The following FHIP2A variants were observed in gnomAD, a reference collection of about 807,000 sequenced individuals.
FHIP2A encodes the protein FHF complex subunit HOOK interacting protein 2A.
Under a neutral mutation model 93.5 loss-of-function variants are expected in FHIP2A, and 46 were observed. The observed-to-expected ratio is 0.49, with a 90% confidence interval of 0.39 to 0.63. FHIP2A has a LOEUF of 0.63. Ranked by LOEUF, FHIP2A falls within the 20% of genes least tolerant of loss-of-function variation. The pLI is 0.00. For synonymous variants in FHIP2A, 332 were observed against 326.5 expected, an observed-to-expected ratio of 1.02 and a Z score of -0.18; for missense variants, 769 against 909.7, an observed-to-expected ratio of 0.85 and a Z score of 1.99.
chr10:114,885,368 C>A (rs1333121341), intron 16 of FHIP2A, among the ~76,000 whole-genome samples: 3 of 150,560 alleles, frequency 2.0e-5, no homozygotes, highest in African/African-American at 7.4e-5. Flanking sequence ...GCACTCCAGC[C>A]TGCACAACAA....
chr10:114,879,763 T>C (rs2083907644), intron 16 of FHIP2A, among the ~76,000 whole-genome samples: 1 of 152,100 alleles, frequency 6.6e-6, no homozygotes, highest in South Asian at 2.1e-4. Context: ...CCCCTGCTGA[T>C]TGCCTGGCGT....
intron 1 of FHIP2A, among the ~76,000 whole-genome samples, chr10:114,823,604 C>T (rs1229431794): frequency 6.6e-6 from 1 of 151,856 alleles, no homozygotes; most frequent in African/African-American, 2.4e-5. Context: ...AAGCGATTCT[C>T]CTGCCTCAGC....
intron 5 of FHIP2A, among the ~76,000 whole-genome samples, chr10:114,839,014 TTC>T (rs1386563666): frequency 2.0e-5 from 3 of 152,204 alleles, no homozygotes; most frequent in African/African-American, 7.2e-5. Flanking sequence ...AGGACAAGGA[TTC>T]TGTCTCATTA....
At position 114,873,899 on chromosome 10, in the gene FHIP2A, A is replaced by G. The variant is rs543792076; in HGVS notation, c.2192+12565A>G. Among the ~76,000 whole-genome samples the G allele has an allele frequency of 3.9e-5, 6 of 152,206 alleles. No homozygotes were observed. The South Asian group carries it at 1.2e-3, about 32-fold the overall frequency. On this transcript the variant is annotated intron_variant, in intron 16 of 16. Coordinates refer to the FHIP2A transcript ENST00000369250. ...TCCTAGGATCAGCCATTTCTCCAAG[A>G]TACATCAGAGTCTTTTAAAACACTG... is the stretch of plus-strand genomic sequence containing the variant.
At chr10:114,832,792 G>T (rs547895974) in intron 2 of FHIP2A, among the ~76,000 whole-genome samples, 2 of 149,628 alleles carry the variant, frequency 1.3e-5, no homozygotes, top group Admixed American at 1.3e-4. Context: ...GCTCACTGCA[G>T]CCTCCACCTC....
intron 12 of FHIP2A, among the ~76,000 whole-genome samples, chr10:114,848,076 A>G (rs1286917973): frequency 6.6e-6 from 1 of 152,168 alleles, no homozygotes; most frequent in African/African-American, 2.4e-5. Flanking sequence ...GTGTTGGGCT[A>G]TTCCTTTTTG....
intron 1 of FHIP2A, among the ~76,000 whole-genome samples, chr10:114,825,275 C>T (rs546361547): frequency 4.6e-5 from 7 of 152,160 alleles, no homozygotes; most frequent in Non-Finnish European, 8.8e-5. Context: ...AGCCTCCCAC[C>T]TCCATCTCCT....
intron 16 of FHIP2A, among the ~76,000 whole-genome samples, chr10:114,880,417 T>C (rs11196959): frequency 0.41 from 62,331 of 152,122 alleles, 12,919 homozygotes; most frequent in South Asian, 0.46. Flanking sequence ...CAGGGGCTCA[T>C]GCCTGTAATC....
intron 16 of FHIP2A, among the ~76,000 whole-genome samples, chr10:114,892,889 C>A (rs1276265928): frequency 6.6e-6 from 1 of 152,082 alleles, no homozygotes; most frequent in African/African-American, 2.4e-5. Context: ...CAGAATTTTT[C>A]ATTTGTGTTT....
chr10:114,859,573 A>G (rs556300626), intron 14 of FHIP2A, among the ~76,000 whole-genome samples: 3 of 152,216 alleles, frequency 2.0e-5, no homozygotes, highest in African/African-American at 7.2e-5. Flanking sequence ...GTTGCAACCA[A>G]TCCGTTTCCT....
chr10:114,859,351 C>T (rs879117006), intron 14 of FHIP2A, among the ~76,000 whole-genome samples: 1 of 152,212 alleles, frequency 6.6e-6, no homozygotes, highest in Admixed American at 6.5e-5. Flanking sequence ...TGTGCCCGAG[C>T]ATTCTCCACT....
At chr10:114,875,859 AAGAAAGAAAG>A (rs1269511039) in intron 16 of FHIP2A, among the ~76,000 whole-genome samples, 6 of 143,306 alleles carry the variant, frequency 4.2e-5, no homozygotes, top group East Asian at 3.9e-4. Flanking sequence ...AAGAAAAAGA[AAGAAAGAAAG>A]AGAAAGAAAG....
At chr10:114,880,215 G>A (rs911637523) in intron 16 of FHIP2A, among the ~76,000 whole-genome samples, 1 of 152,206 alleles carries the variant, frequency 6.6e-6, no homozygotes, top group African/African-American at 2.4e-5. Context: ...TTGGAGGCGG[G>A]AGGATTGGGG....
chr10:114,831,625 G>A (rs954687297), intron 2 of FHIP2A, among the ~76,000 whole-genome samples: 73 of 152,182 alleles, frequency 4.8e-4, no homozygotes, highest in African/African-American at 1.6e-3. Context: ...TTTTACTAGT[G>A]CTAGGCTACT....
At chr10:114,866,494 A>G (rs968418101), downstream of FHIP2A, among the ~76,000 whole-genome samples, 1 of 152,198 alleles carries the variant, frequency 6.6e-6, no homozygotes, top group Non-Finnish European at 1.5e-5. Context: ...TGATTGGACT[A>G]TTGTGGGCAT....
intron 14 of FHIP2A, among the ~76,000 whole-genome samples, chr10:114,857,343 C>CTCTG (rs2083773137): frequency 1.2e-5 from 1 of 80,744 alleles, no homozygotes; most frequent in Non-Finnish European, 3.3e-5. Flanking sequence ...CCGAGTCTCG[C>CTCTG]TCTGTCACCC....
In FHIP2A at chr10:114,843,148, A is replaced by G. The variant is rs1033018726; in HGVS notation, c.738A>G (p.Ser246=). The change falls in exon 6 of 17, where the codon TCA becomes TCG. Residue 246 remains serine (S), a synonymous_variant. Transcript: ENST00000369248. ...GCTTGGATAACCTCAGTGTCACCTC[A>G]CTGCCAGAGGCCTCGGTTGTTTGTC... ...STSLDNLSVT[S]LPEASVVCPN... 3.1e-6 allele frequency: 5 copies of G among 1,614,028 alleles called. No homozygotes were observed. In the East Asian group the frequency reaches 1.1e-4, roughly 36 times the overall value.
intron 5 of FHIP2A, among the ~76,000 whole-genome samples, chr10:114,837,188 G>A (rs1157285442): frequency 1.3e-5 from 2 of 152,032 alleles, no homozygotes; most frequent in African/African-American, 2.4e-5. Flanking sequence ...ATAGGTGTGA[G>A]CCACCACACC....
At chr10:114,845,219 A>T (rs1342336761) in intron 7 of FHIP2A, 148 bp from the exon 8 acceptor site, 1 of 495,418 alleles carries the variant, frequency 2.0e-6, no homozygotes, top group South Asian at 3.9e-5. Flanking sequence ...CTTTTACAGA[A>T]TCCTCTTCTC....
Sources: allele counts gnomAD v4.1 joint callset (sites outside exome capture counted in the v4.1 genomes callset), GRCh38; gene constraint gnomAD v4.1.1; transcripts MANE v1.5; gene names NCBI Gene and HGNC (gene_info 2026-07-23, HGNC 2026-07-21).